Variants in ARHGEF37 observed in about 807,000 individuals in gnomAD.
ARHGEF37 encodes the protein Rho guanine nucleotide exchange factor 37, also known as Rho guanine nucleotide exchange factor (GEF) 37.
ARHGEF37 carries 55 observed loss-of-function variants against 71.1 expected under a neutral mutation model. The ratio of observed to expected loss-of-function variants is 0.77; its 90% CI spans 0.62 to 0.97. ARHGEF37 has a LOEUF of 0.97. Among genes scored for constraint, ARHGEF37 ranks in the 50% least tolerant of loss-of-function variants. The pLI is 0.00. For synonymous variants in ARHGEF37, 327 were observed against 350.6 expected, an observed-to-expected ratio of 0.93 and a Z score of 0.75; for missense variants, 765 against 836.8, an observed-to-expected ratio of 0.91 and a Z score of 1.06.
At chr5:149,586,787 T>C (rs2113275912) in intron 1 of ARHGEF37, among the ~76,000 whole-genome samples, 1 of 152,314 alleles carries the variant, frequency 6.6e-6, no homozygotes, top group East Asian at 1.9e-4. Context: ...TAGTCCTTAT[T>C]ACTGTCCTGT....
chr5:149,609,672 C>T lies in ARHGEF37; in HGVS notation c.435C>T (p.Ile145=). The T allele has an allele frequency of 6.2e-7, 1 of 1,612,490 alleles. No homozygotes were observed. The highest frequency in any genetic ancestry group is 8.5e-7 in the Non-Finnish European group (1 of 1,180,032). The change falls in exon 4 of 13, where the codon ATC becomes ATT. Residue 145 remains isoleucine (I), a synonymous_variant. Transcript: ENST00000333677. The part of the protein sequence containing the change: ...YRKEPELQRH[I]QGIVEAVVPQ... Reference sequence around the variant, plus strand: ...AGGAGCCGGAGCTGCAGCGGCACATCCAGGGCATCGTTGAGGCGGTGGTGT... The same window carrying T: ...AGGAGCCGGAGCTGCAGCGGCACATTCAGGGCATCGTTGAGGCGGTGGTGT...
chr5:149,568,533 A>C (rs1762924764), intron 1 of ARHGEF37, among the ~76,000 whole-genome samples: 1 of 152,116 alleles, frequency 6.6e-6, no homozygotes, highest in African/African-American at 2.4e-5. Flanking sequence ...ACCCCTATCA[A>C]GATACAATAC....
chr5:149,553,373 C>T (rs188806152), intron 1 of ARHGEF37, among the ~76,000 whole-genome samples: 8 of 152,040 alleles, frequency 5.3e-5, no homozygotes, highest in African/African-American at 1.9e-4. Flanking sequence ...GCACTCCAGC[C>T]TGGAGACAGA....
intron 1 of ARHGEF37, among the ~76,000 whole-genome samples, chr5:149,593,324 C>T (rs1369084932): frequency 1.3e-5 from 2 of 152,250 alleles, no homozygotes; most frequent in Admixed American, 6.5e-5. Flanking sequence ...CTCCAATTCT[C>T]CATCCCCTCA....
intron 1 of ARHGEF37, among the ~76,000 whole-genome samples, chr5:149,574,363 T>C (rs957739805): frequency 6.6e-6 from 1 of 152,220 alleles, no homozygotes; most frequent in African/African-American, 2.4e-5. Flanking sequence ...TATCTGGTGG[T>C]ATGGGACCAG....
intron 11 of ARHGEF37, among the ~76,000 whole-genome samples, chr5:149,628,588 G>A (rs1429633126): frequency 6.6e-6 from 1 of 152,182 alleles, no homozygotes; most frequent in Admixed American, 6.5e-5. Context: ...AAAGGGAGTC[G>A]TCTGTCCGGT....
At position 149,563,946 on chromosome 5, in the gene ARHGEF37, ATTTTTTTTTT is replaced by A. The variant is rs570750342; in HGVS notation, c.-12+11840_-12+11849del. 1.6e-3 allele frequency among the ~76,000 whole-genome samples: 206 copies of A among 124,868 alleles called. 2 individuals are homozygous for A. The highest frequency in any genetic ancestry group is 4.4e-3 in the African/African-American group (134 of 30,610). 81.9% of individuals were successfully genotyped at this position (124,868 alleles called of 152,430 possible). A position where few individuals can be genotyped will look rare whatever the true frequency, so the allele number is the denominator to read the frequency against. ...CACGCATAGGTAATAATTAGTTTAA[ATTTTTTTTTT>A]TTTTTTTTTTTTTTTTGAGACAGAG... On this transcript the variant is annotated intron_variant, in intron 1 of 2. Transcript: ENST00000505810.
chr5:149,607,137 A>G (rs1042072743), intron 3 of ARHGEF37, among the ~76,000 whole-genome samples: 5 of 152,204 alleles, frequency 3.3e-5, no homozygotes, highest in African/African-American at 1.2e-4. Flanking sequence ...TCCTGGCCTC[A>G]AGTGATCCAC....
At chr5:149,612,316 G>A (rs528696792) in intron 4 of ARHGEF37, among the ~76,000 whole-genome samples, 3 of 151,922 alleles carry the variant, frequency 2.0e-5, no homozygotes, top group South Asian at 2.1e-4. Flanking sequence ...TACAGGCGCC[G>A]GCCACCACGC....
chr5:149,575,143 G>T (rs1349528950), intron 1 of ARHGEF37, among the ~76,000 whole-genome samples: 1 of 152,170 alleles, frequency 6.6e-6, no homozygotes, highest in Non-Finnish European at 1.5e-5. Flanking sequence ...AATCCATGCA[G>T]ATCATTCAAT....
Position 149,616,596 on chromosome 5 carries a change from T to C in ARHGEF37, c.488T>C (p.Phe163Ser), listed in dbSNP as rs752160787. ...VPQAGSSGLS[F>S]LLVIPLQRIT... The stretch of plus-strand genomic sequence containing the variant: ...CAAGCTGGATCTTCAGGCCTCAGTT[T>C]CTTGCTGGTAATTCCTCTGCAGAGG... Residue 163 changes from phenylalanine to serine, a missense_variant, in exon 5 of 13, where the codon TTC becomes TCC. Physicochemically the swap from Phe to Ser is radical, Grantham distance 155. This residue lies in a region of ARHGEF37 where 201 missense variants were observed against 217.5 expected (regional missense o/e 0.92). Transcript: ENST00000333677. The C allele has an allele frequency of 1.9e-6, 3 of 1,610,938 alleles. No homozygotes were observed.
intron 10 of ARHGEF37, among the ~76,000 whole-genome samples, chr5:149,626,401 C>T (rs998917750): frequency 1.3e-5 from 2 of 152,172 alleles, no homozygotes; most frequent in Non-Finnish European, 2.9e-5. Flanking sequence ...CTTCTGGAAG[C>T]AGTATCATGC....
chr5:149,578,262 T>C (rs560569619), upstream of ARHGEF37, among the ~76,000 whole-genome samples: 1 of 152,362 alleles, frequency 6.6e-6, no homozygotes, highest in East Asian at 1.9e-4. Flanking sequence ...GGCTAGTAAC[T>C]AGTCTTTAGG....
At chr5:149,564,281 A>G (rs1762872446) in intron 1 of ARHGEF37, among the ~76,000 whole-genome samples, 1 of 151,950 alleles carries the variant, frequency 6.6e-6, no homozygotes, top group African/African-American at 2.4e-5. Context: ...ATCTTATATC[A>G]TAAAAAAATT....
At chr5:149,558,709 G>A (rs977036275) in intron 1 of ARHGEF37, among the ~76,000 whole-genome samples, 45 of 125,428 alleles carry the variant, frequency 3.6e-4, no homozygotes, top group African/African-American at 6.8e-4. Context: ...GTGTGTGTGT[G>A]TGTGTGTGTG....
intron 1 of ARHGEF37, among the ~76,000 whole-genome samples, chr5:149,562,281 G>T (rs182437352): frequency 3.6e-4 from 55 of 152,218 alleles, no homozygotes; most frequent in Admixed American, 1.8e-3. Flanking sequence ...AAGTCAGTTT[G>T]TATTTATATG....
At chr5:149,617,209 T>G (rs1752406741) in intron 5 of ARHGEF37, among the ~76,000 whole-genome samples, 1 of 152,242 alleles carries the variant, frequency 6.6e-6, no homozygotes. Flanking sequence ...GTGCCCTTCT[T>G]TGAATTAATC....
chr5:149,557,553 C>T (rs1383037164), intron 1 of ARHGEF37, among the ~76,000 whole-genome samples: 1 of 152,096 alleles, frequency 6.6e-6, no homozygotes, highest in Non-Finnish European at 1.5e-5. Context: ...GATCATGGCT[C>T]ACTGCAGCGT....
intron 5 of ARHGEF37, among the ~76,000 whole-genome samples, chr5:149,617,695 T>C (rs1752417111): frequency 1.3e-5 from 2 of 152,180 alleles, no homozygotes; most frequent in Non-Finnish European, 2.9e-5. Context: ...CACCATGCTA[T>C]ACTATATTTA....
Sources: gnomAD v4.1 joint callset for allele counts (sites outside exome capture counted in the v4.1 genomes callset) on GRCh38, gnomAD v4.1.1 for gene constraint, gnomAD v4.1.1 regional missense constraint, MANE v1.5 for transcripts, NCBI Gene and HGNC (gene_info 2026-07-23, HGNC 2026-07-21) for gene names.